The following GNAI1 variants were observed in gnomAD, a reference collection of about 807,000 sequenced individuals.
GNAI1 encodes the protein G protein subunit alpha i1, also known as guanine nucleotide-binding protein G(i) subunit alpha-1.
A neutral mutation model predicts 38.9 loss-of-function variants in GNAI1; 11 were observed. The observed-to-expected ratio is 0.28, with a 90% CI of 0.18 to 0.47. GNAI1 has a LOEUF of 0.47. Ranked by LOEUF, GNAI1 falls within the 20% of genes least tolerant of loss-of-function variation. The probability of loss-of-function intolerance (pLI) is 0.99; values close to 1 mark genes in which losing one functional copy is unlikely to be tolerated. For missense variants in GNAI1, 317 were observed against 436.9 expected (o/e 0.73, Z 2.45); for synonymous variants, 166 against 145.1 (o/e 1.14, Z -1.04).
rs1789132312 is a variant in GNAI1, at chr7:80,224,783, G to C, written c.*7290G>C. 6.6e-6 allele frequency among the ~76,000 whole-genome samples: 1 copy of C among 152,162 alleles called. No homozygotes were observed. The highest frequency in any genetic ancestry group is 2.4e-5 in the African/African-American group (1 of 41,448). On this transcript the variant is annotated 3_prime_UTR_variant, in exon 8 of 8. Transcript: ENST00000649796. ...TAGTCCAAAGTGAGTTGGCCTATTA[G>C]TGTAAAATACAAGAGTTCAGATACA...
intron 1 of GNAI1, chr7:80,135,637 A>G: frequency 4.8e-6 from 1 of 208,552 alleles, no homozygotes; most frequent in Non-Finnish European, 8.7e-6. Context: ...TCGCGGCTAG[A>G]AAATGAAAAC....
At chr7:80,187,931 C>A (rs1356884958) in intron 1 of GNAI1, among the ~76,000 whole-genome samples, 1 of 152,124 alleles carries the variant, frequency 6.6e-6, no homozygotes, top group East Asian at 1.9e-4. Flanking sequence ...TGTAAACTGT[C>A]ATTTCCTTAG....
rs748657192 is a variant in GNAI1, at chr7:80,189,141, A to G, written c.213A>G (p.Ala71=). The G allele has an allele frequency of 2.3e-5, 37 of 1,604,320 alleles. No homozygotes were observed. Among genetic ancestry groups the G allele is most frequent in the African/African-American group, 4.0e-5 (3 of 74,242 alleles). The change falls in exon 3 of 8, where the codon GCA becomes GCG. Residue 71 remains alanine, a synonymous_variant. Transcript: ENST00000649796. ...AAGAGGAGTGTAAACAATACAAAGC[A>G]GTGGTCTACAGTAACACCATCCAGT... ...YSEEECKQYK[A]VVYSNTIQSI... is the part of the protein sequence containing the mutation.
chr7:80,175,272 C>T (rs142629281), intron 1 of GNAI1, among the ~76,000 whole-genome samples: 205 of 152,184 alleles, frequency 1.3e-3, no homozygotes, highest in Admixed American at 2.6e-3. Context: ...CTGCTACTGG[C>T]ATCTCGGCGT....
chr7:80,185,983 A>G (rs1788379515), intron 1 of GNAI1, among the ~76,000 whole-genome samples: 1 of 151,592 alleles, frequency 6.6e-6, no homozygotes, highest in Non-Finnish European at 1.5e-5. Flanking sequence ...TGACTAGTAA[A>G]GAAAGTACAA....
At chr7:80,177,093 C>T (rs1165819852) in intron 1 of GNAI1, among the ~76,000 whole-genome samples, 1 of 123,530 alleles carries the variant, frequency 8.1e-6, no homozygotes, top group African/African-American at 3.1e-5. Flanking sequence ...TGTAGTGGCA[C>T]AATCTTGGCT....
At chr7:80,159,807 G>T (rs1787887292) in intron 1 of GNAI1, among the ~76,000 whole-genome samples, 1 of 152,108 alleles carries the variant, frequency 6.6e-6, no homozygotes, top group African/African-American at 2.4e-5. Flanking sequence ...CTGGTAGTGT[G>T]ATTGTGGCAC....
At chr7:80,175,808 G>A (rs1788174069) in intron 1 of GNAI1, among the ~76,000 whole-genome samples, 1 of 152,136 alleles carries the variant, frequency 6.6e-6, no homozygotes, top group Middle Eastern at 3.4e-3. Context: ...TGCTTCACTG[G>A]ACTGGCTGTT....
At chr7:80,211,649 C>T (rs1389476371) in intron 6 of GNAI1, among the ~76,000 whole-genome samples, 1 of 152,060 alleles carries the variant, frequency 6.6e-6, no homozygotes, top group Non-Finnish European at 1.5e-5. Context: ...AAACTCCTGA[C>T]CTCAGATGAG....
intron 3 of GNAI1, among the ~76,000 whole-genome samples, chr7:80,198,398 A>G (rs1002759764): frequency 2.0e-5 from 3 of 152,138 alleles, no homozygotes; most frequent in Admixed American, 6.6e-5. Context: ...TTAGTGTTGC[A>G]CATTATATTT....
At chr7:80,215,177 C>T (rs1788939364) in intron 7 of GNAI1, among the ~76,000 whole-genome samples, 1 of 152,166 alleles carries the variant, frequency 6.6e-6, no homozygotes, top group African/African-American at 2.4e-5. Flanking sequence ...ATCATATTTG[C>T]TCTCCTGTCC....
chr7:80,203,300 T>A (rs1183963082), intron 4 of GNAI1, among the ~76,000 whole-genome samples: 1 of 152,078 alleles, frequency 6.6e-6, no homozygotes, highest in Non-Finnish European at 1.5e-5. Flanking sequence ...ACTTTAAAAA[T>A]CTTCAGTAAA....
intron 1 of GNAI1, among the ~76,000 whole-genome samples, chr7:80,145,620 A>T (rs1387648376): frequency 6.6e-6 from 1 of 152,104 alleles, no homozygotes; most frequent in Non-Finnish European, 1.5e-5. Flanking sequence ...AGTGTCTGTT[A>T]TTCTACTTCT....
chr7:80,135,610 T>A, intron 1 of GNAI1: 1 of 231,722 alleles, frequency 4.3e-6, no homozygotes. Flanking sequence ...CTCAGCCTTG[T>A]AAAGATGAAG....
intron 1 of GNAI1, among the ~76,000 whole-genome samples, chr7:80,140,529 G>A (rs2116069344): frequency 6.6e-6 from 1 of 152,160 alleles, no homozygotes; most frequent in East Asian, 1.9e-4. Context: ...GAGTGTGTTT[G>A]TTGCAGATTT....
At position 80,203,839 on chromosome 7, in the gene GNAI1, A is replaced by G. The variant is rs199621430; in HGVS notation, c.590+7A>G. ...TCAAAGATCTTCATTTTAAGTGAGT[A>G]GCTTTGAAATATATGATTTCTAAAT... is the stretch of plus-strand genomic sequence containing the variant. On this transcript the variant is annotated splice_region_variant and intron_variant, in intron 5 of 7. Coordinates refer to ENST00000649796, the MANE Select transcript of GNAI1 (RefSeq NM_002069.6). 2.1e-4 allele frequency: 309 copies of G among 1,480,624 alleles called. No individual in the cohort carries two copies. Among genetic ancestry groups the G allele is most frequent in the Non-Finnish European group, 2.6e-4 (278 of 1,074,638 alleles). The allele number at this position is 1,480,624 out of a possible 1,614,324, so 91.7% of individuals were successfully genotyped here. A position where few individuals can be genotyped will look rare whatever the true frequency, so the allele number is the denominator to read the frequency against.
At chr7:80,166,896 T>C (rs976972076) in intron 1 of GNAI1, among the ~76,000 whole-genome samples, 7 of 152,206 alleles carry the variant, frequency 4.6e-5, no homozygotes, top group Non-Finnish European at 2.9e-5. Context: ...GATTTATAAG[T>C]TGACAAGATG....
At chr7:80,140,940 C>A (rs975335656) in intron 1 of GNAI1, among the ~76,000 whole-genome samples, 1 of 152,160 alleles carries the variant, frequency 6.6e-6, no homozygotes, top group Non-Finnish European at 1.5e-5. Context: ...CTTTCATTGG[C>A]TCATGGTGCC....
At chr7:80,193,020 TG>T (rs754554996) in intron 3 of GNAI1, among the ~76,000 whole-genome samples, 21 of 147,142 alleles carry the variant, frequency 1.4e-4, no homozygotes, top group East Asian at 4.0e-4. Flanking sequence ...TTTTTTTTTT[TG>T]TTTTTAATAA....
Sources: gnomAD v4.1 joint callset for allele counts (sites outside exome capture counted in the v4.1 genomes callset) on GRCh38, gnomAD v4.1.1 for gene constraint, MANE v1.5 for transcripts, NCBI Gene and HGNC (gene_info 2026-07-23, HGNC 2026-07-21) for gene names.